ANKH: variants seen among roughly 807,000 people sequenced by gnomAD.
ANKH encodes the protein ANKH inorganic pyrophosphate transport regulator, also known as mineralization regulator ANKH.
In ANKH, 15 loss-of-function variants were observed where a neutral mutation model predicts 49.0. The observed-to-expected ratio is 0.31, with a 90% CI of 0.20 to 0.47. The LOEUF (loss-of-function observed/expected upper bound fraction) is 0.47. ANKH is among the 20% of genes least tolerant of loss of function. The pLI is 1.00. For synonymous variants in ANKH, 273 were observed against 260.0 expected (o/e 1.05, Z -0.48); for missense variants, 429 against 652.0 (o/e 0.66, Z 3.72).
intron 1 of ANKH, among the ~76,000 whole-genome samples, chr5:14,796,068 C>A (rs1201884039): frequency 2.6e-5 from 4 of 151,934 alleles, no homozygotes; most frequent in East Asian, 1.9e-4. Flanking sequence ...TTCTTTTCGA[C>A]GTGATATTTT....
intron 1 of ANKH, among the ~76,000 whole-genome samples, chr5:14,817,717 A>C (rs974565823): frequency 6.6e-6 from 1 of 152,256 alleles, no homozygotes; most frequent in Admixed American, 6.5e-5. Context: ...ACATGGCTAC[A>C]TAACCTACAG....
At chr5:14,867,557 TTC>T (rs1328064315) in intron 1 of ANKH, among the ~76,000 whole-genome samples, 1 of 151,916 alleles carries the variant, frequency 6.6e-6, no homozygotes, top group African/African-American at 2.4e-5. Flanking sequence ...TGTTCCCATT[TTC>T]TTTTTTTTTT....
rs147593629 is a variant in ANKH at position 14,829,399 on chromosome 5, A to C, written c.96+41953T>G. On this transcript the variant is annotated intron_variant, in intron 1 of 11. Coordinates refer to ENST00000284268, the MANE Select transcript of ANKH (RefSeq NM_054027.6). ...GTCAAATTTCTAGAATAATTCATCAAACAATCAAAAGCTGAATGTGCTACA... is the reference window on the plus strand; with the variant it reads ...GTCAAATTTCTAGAATAATTCATCACACAATCAAAAGCTGAATGTGCTACA... Among the ~76,000 whole-genome samples, 217 of 152,312 alleles carry C rather than the reference A, an allele frequency of 1.4e-3. 1 individual carries two copies. Among genetic ancestry groups the C allele is most frequent in the African/African-American group, 5.0e-3 (208 of 41,566 alleles).
intron 6 of ANKH, 56 bp downstream of exon 6, chr5:14,749,116 A>G: frequency 1.9e-6 from 3 of 1,611,322 alleles, no homozygotes; most frequent in Non-Finnish European, 2.5e-6. Context: ...CAGTTTCAGC[A>G]CCCCCCTGCC....
At chr5:14,795,455 A>G (rs1312939394) in intron 1 of ANKH, among the ~76,000 whole-genome samples, 1 of 152,218 alleles carries the variant, frequency 6.6e-6, no homozygotes, top group African/African-American at 2.4e-5. Flanking sequence ...ATCATGTGCA[A>G]TTGATTGATA....
intron 1 of ANKH, among the ~76,000 whole-genome samples, chr5:14,828,303 C>T (rs925483508): frequency 3.3e-5 from 5 of 152,080 alleles, no homozygotes; most frequent in African/African-American, 1.2e-4. Context: ...ACCAGCCTGG[C>T]CAACATGGTG....
intron 1 of ANKH, chr5:14,797,443 T>C: frequency 1.2e-6 from 2 of 1,611,224 alleles, no homozygotes; most frequent in Non-Finnish European, 1.7e-6. Flanking sequence ...ACCTGGAATA[T>C]TTCATCCTTA....
chr5:14,834,314 G>A (rs1741592329), intron 1 of ANKH, among the ~76,000 whole-genome samples: 1 of 152,098 alleles, frequency 6.6e-6, no homozygotes. Context: ...TCTCTGAATG[G>A]TCTGGAGTGA....
chr5:14,814,507 G>A (rs1400856240), intron 1 of ANKH, among the ~76,000 whole-genome samples: 2 of 152,190 alleles, frequency 1.3e-5, no homozygotes, highest in Non-Finnish European at 2.9e-5. Flanking sequence ...TCAGGAGGCT[G>A]AGGTGGTAGG....
chr5:14,732,263 CCTGGGA>C (rs1178884356), intron 8 of ANKH, among the ~76,000 whole-genome samples: 5 of 151,998 alleles, frequency 3.3e-5, no homozygotes, highest in African/African-American at 1.2e-4. Flanking sequence ...ACCATCTGTG[CCTGGGA>C]CTGGGAGGCT....
At chr5:14,798,334 T>C in intron 1 of ANKH, 1 of 1,568,566 alleles carries the variant, frequency 6.4e-7, no homozygotes, top group Non-Finnish European at 8.8e-7. Context: ...TTTTTCCATA[T>C]TTTGTATTCC....
At chr5:14,734,528 G>T (rs1323947615) in intron 8 of ANKH, among the ~76,000 whole-genome samples, 1 of 152,170 alleles carries the variant, frequency 6.6e-6, no homozygotes. Context: ...CACTATGATA[G>T]CTCTGCTTCC....
intron 1 of ANKH, among the ~76,000 whole-genome samples, chr5:14,813,845 G>T (rs114505846): frequency 0.016 from 2,480 of 152,186 alleles, 73 homozygotes; most frequent in African/African-American, 0.057. Context: ...ACAACATGAG[G>T]CTAAACTCAT....
intron 4 of ANKH, among the ~76,000 whole-genome samples, chr5:14,752,331 GC>G (rs1738748381): frequency 6.6e-6 from 1 of 152,112 alleles, no homozygotes; most frequent in South Asian, 2.1e-4. Context: ...TAAAAATGCT[GC>G]CAAAAAACAC....
rs577082174 is a variant in ANKH, at chr5:14,731,118, G to A, written c.1011+10709C>T. Reference sequence around the variant, plus strand: ...GGCGTGAAAGGCCATGTCGTCCTCCGGGGGCAGCGGCCAGTGGTGAAGGAC... The same window carrying A: ...GGCGTGAAAGGCCATGTCGTCCTCCAGGGGCAGCGGCCAGTGGTGAAGGAC... On this transcript the variant is annotated intron_variant, in intron 8 of 11. Coordinates refer to ENST00000284268, the MANE Select transcript of ANKH (RefSeq NM_054027.6). Among the ~76,000 whole-genome samples the A allele has an allele frequency of 2.0e-5, 3 of 152,322 alleles. No individual in the cohort carries two copies. The East Asian group carries it at 5.8e-4, about 29-fold the overall frequency.
chr5:14,763,299 G>GT (rs1739148872), intron 2 of ANKH, among the ~76,000 whole-genome samples: 1 of 152,196 alleles, frequency 6.6e-6, no homozygotes, highest in Admixed American at 6.5e-5. Flanking sequence ...ACGGGAGCAG[G>GT]TAATTTCACC....
chr5:14,770,238 GA>G lies in ANKH; in HGVS notation c.97-1048del, dbSNP rs1365288042. On this transcript the variant is annotated intron_variant, in intron 1 of 11. Transcript: ENST00000284268. The surrounding 1 kb of genome is among the most constrained non-coding windows in gnomAD (Gnocchi z 4.1). ...ATATCCTTTGCCCCCCACAAACACGGAGCCTCCCCTGCTATCAACATCCCAC... is the reference window on the plus strand; with the variant it reads ...ATATCCTTTGCCCCCCACAAACACGGGCCTCCCCTGCTATCAACATCCCAC... Among the ~76,000 whole-genome samples, 3 of 152,050 alleles carry G rather than the reference GA, an allele frequency of 2.0e-5. No homozygotes were observed. The highest frequency in any genetic ancestry group is 1.3e-4 in the Admixed American group (2 of 15,254).
chr5:14,822,128 A>G (rs141039492), intron 1 of ANKH, among the ~76,000 whole-genome samples: 20 of 152,308 alleles, frequency 1.3e-4, no homozygotes, highest in Non-Finnish European at 2.8e-4. Context: ...CCTGGATAAC[A>G]TGTAGCTAGG....
At chr5:14,758,249 G>A (rs979176413) in intron 3 of ANKH, among the ~76,000 whole-genome samples, 2 of 152,224 alleles carry the variant, frequency 1.3e-5, no homozygotes, top group African/African-American at 2.4e-5. Flanking sequence ...AAAGTAGAAT[G>A]GAGGTTGCCC....
Sources: allele counts gnomAD v4.1 joint callset (sites outside exome capture counted in the v4.1 genomes callset), GRCh38; gene constraint gnomAD v4.1.1; non-coding constraint Gnocchi (gnomAD v3.1); transcripts MANE v1.5; gene names NCBI Gene and HGNC (gene_info 2026-07-23, HGNC 2026-07-21).